Variants in LYRM4 observed in about 807,000 individuals in gnomAD.
LYRM4 encodes LYR motif containing 4, also known as LYR motif-containing protein 4.
In LYRM4, 9 loss-of-function variants were observed where a neutral mutation model predicts 11.7. That is an observed-to-expected ratio of 0.77 (90% CI 0.46 to 1.34). The LOEUF is 1.34. Among genes scored for constraint, LYRM4 ranks in the 40% most tolerant of loss-of-function variants. The pLI is 0.00. For missense variants in LYRM4, 133 were observed against 112.5 expected (o/e 1.18, Z -0.82); for synonymous variants, 42 against 40.4 (o/e 1.04, Z -0.15).
the LYRM4 span, among the ~76,000 whole-genome samples, chr6:5,098,488 A>G: frequency 6.6e-5 from 10 of 152,190 alleles, no homozygotes; most frequent in African/African-American, 1.2e-4. Context: ...GCCTGTCCCT[A>G]TGCAAACCTG....
chr6:5,088,721 C>G, the LYRM4 span: 1 of 152,180 alleles, frequency 6.6e-6, no homozygotes, highest in Non-Finnish European at 1.5e-5. Flanking sequence ...CTTTAGTGAG[C>G]TTTTGCCACT....
chr6:5,177,961 C>T (rs892617274), intron 2 of LYRM4, among the ~76,000 whole-genome samples: 1 of 152,066 alleles, frequency 6.6e-6, no homozygotes, highest in Non-Finnish European at 1.5e-5. Flanking sequence ...AAAGCCACTG[C>T]TCACCCTGGG....
the LYRM4 span, among the ~76,000 whole-genome samples, chr6:5,076,101 C>T: frequency 6.6e-6 from 1 of 152,076 alleles, no homozygotes; most frequent in African/African-American, 2.4e-5. Flanking sequence ...TGCATCACCA[C>T]GCCCAGCTAA....
intron 2 of LYRM4, among the ~76,000 whole-genome samples, chr6:5,174,359 T>C (rs1759599885): frequency 6.6e-6 from 1 of 152,178 alleles, no homozygotes; most frequent in Non-Finnish European, 1.5e-5. Flanking sequence ...CAGTGTCACC[T>C]TTAAAGTCAA....
At chr6:5,242,666 C>A (rs1763952340) in intron 1 of LYRM4, among the ~76,000 whole-genome samples, 1 of 151,478 alleles carries the variant, frequency 6.6e-6, no homozygotes, top group South Asian at 2.1e-4. Context: ...CTGCAATGAG[C>A]CAAGATCATT....
At chr6:5,117,226 A>C (rs745663908) in intron 2 of LYRM4, among the ~76,000 whole-genome samples, 3 of 152,268 alleles carry the variant, frequency 2.0e-5, no homozygotes, top group Admixed American at 1.3e-4. Flanking sequence ...AGCGTTACTT[A>C]CATGCACAGA....
chr6:5,138,797 A>C, intron 2 of LYRM4: 1 of 1,318,120 alleles, frequency 7.6e-7, no homozygotes. Context: ...AGAAAGAAAG[A>C]GTTCTTTGGG....
intron 2 of LYRM4, among the ~76,000 whole-genome samples, chr6:5,118,098 T>A (rs376649657): frequency 4.7e-4 from 12 of 25,410 alleles, no homozygotes; most frequent in East Asian, 4.3e-3. Context: ...ATATATATTT[T>A]TGTTTTGTTT....
chr6:5,075,455 G>A, the LYRM4 span, among the ~76,000 whole-genome samples: 2 of 152,208 alleles, frequency 1.3e-5, no homozygotes, highest in Non-Finnish European at 2.9e-5. Context: ...ATGTTGGGGT[G>A]AGGAATTCAC....
rs753339502 is a variant in LYRM4, at chr6:5,108,996, A to G, written c.*427T>C. On this transcript the variant is annotated 3_prime_UTR_variant, in exon 3 of 3. Coordinates refer to ENST00000330636, the MANE Select transcript of LYRM4 (RefSeq NM_020408.6). The stretch of plus-strand genomic sequence containing the variant: ...GTTGAACCCTCCCTGAGGGCCCCCA[A>G]CAGCCCTCTCCAGGCCTTGTATCAG... 3.1e-5 allele frequency: 31 copies of G among 1,003,130 alleles called. No individual in the cohort carries two copies. The highest frequency in any genetic ancestry group is 3.6e-5 in the Non-Finnish European group (30 of 839,484). 62.1% of individuals were successfully genotyped at this position (1,003,130 alleles called of 1,614,324 possible). A position where few individuals can be genotyped will look rare whatever the true frequency, so the allele number is the denominator to read the frequency against.
intron 2 of LYRM4, among the ~76,000 whole-genome samples, chr6:5,198,678 C>A (rs1561865011): frequency 6.6e-6 from 1 of 152,182 alleles, no homozygotes; most frequent in Non-Finnish European, 1.5e-5. Flanking sequence ...GTAAAGTCAG[C>A]AAAGGGCTAA....
chr6:5,067,672 C>T, the LYRM4 span, among the ~76,000 whole-genome samples: 1 of 152,172 alleles, frequency 6.6e-6, no homozygotes, highest in Non-Finnish European at 1.5e-5. Context: ...TTTATAAAGA[C>T]TGACTACCAT....
chr6:5,104,405 G>C (rs186237033), downstream of LYRM4: 1 of 152,272 alleles, frequency 6.6e-6, no homozygotes, highest in East Asian at 1.9e-4. Context: ...CTCCAGAGTA[G>C]CTAGGACAAC....
chr6:5,241,946 C>T (rs1763905599), intron 1 of LYRM4, among the ~76,000 whole-genome samples: 1 of 152,102 alleles, frequency 6.6e-6, no homozygotes, highest in Non-Finnish European at 1.5e-5. Context: ...CTAAGATCCT[C>T]CAACCTAAAT....
chr6:5,099,391 C>CTCTA (rs58771475), downstream of LYRM4, among the ~76,000 whole-genome samples: 27,470 of 145,354 alleles, frequency 0.19, 2,645 homozygotes, highest in Admixed American at 0.23. This position sits in a 1 kb window ranked among gnomAD's most constrained non-coding sequence, Gnocchi z 4.3. Flanking sequence ...AAATCTATTT[C>CTCTA]TCTATCTATC....
intron 2 of LYRM4, among the ~76,000 whole-genome samples, chr6:5,199,301 T>C (rs904488622): frequency 6.6e-6 from 1 of 152,198 alleles, no homozygotes; most frequent in Non-Finnish European, 1.5e-5. Context: ...AGGCCAGTCG[T>C]GAATATAAAT....
chr6:5,048,903 A>G, the LYRM4 span, among the ~76,000 whole-genome samples: 1 of 152,212 alleles, frequency 6.6e-6, no homozygotes, highest in Non-Finnish European at 1.5e-5. Context: ...ATAAATGTGG[A>G]AGAATTAGCA....
At chr6:5,207,783 T>A (rs1227999181) in intron 2 of LYRM4, among the ~76,000 whole-genome samples, 1 of 152,216 alleles carries the variant, frequency 6.6e-6, no homozygotes, top group African/African-American at 2.4e-5. Context: ...TTTTCTGATA[T>A]GTGATAAAGG....
rs375038130 is a variant in LYRM4 at position 5,170,886 on chromosome 6, A to C, written c.207+45732T>G. On this transcript the variant is annotated intron_variant, in intron 2 of 2. Coordinates refer to ENST00000330636, the MANE Select transcript of LYRM4 (RefSeq NM_020408.6). ...ACTTAAAGAAGCAAAAGCTGAAGTG[A>C]CCTAACGGTCCACCATTAGGGGTTG... is the stretch of plus-strand genomic sequence containing the variant. Among the ~76,000 whole-genome samples the C allele has an allele frequency of 5.9e-5, 9 of 152,236 alleles. No homozygotes were observed. The East Asian group carries it at 1.7e-3, about 29-fold the overall frequency.
Sources: allele counts gnomAD v4.1 joint callset (sites outside exome capture counted in the v4.1 genomes callset), GRCh38; gene constraint gnomAD v4.1.1; non-coding constraint Gnocchi (gnomAD v3.1); transcripts MANE v1.5; gene names NCBI Gene and HGNC (gene_info 2026-07-23, HGNC 2026-07-21).